The following RGS5 variants were observed in gnomAD, a reference collection of about 807,000 sequenced individuals.
RGS5 encodes regulator of G-protein signalling 5.
Under a neutral mutation model 18.9 loss-of-function variants are expected in RGS5, and 20 were observed. The observed-to-expected ratio is 1.06, with a 90% confidence interval of 0.74 to 1.54. The LOEUF (loss-of-function observed/expected upper bound fraction) is 1.54, where lower values mean the gene tolerates loss of function less well. RGS5 is among the 40% of genes most tolerant of loss of function. The pLI, the probability that RGS5 is intolerant of heterozygous loss-of-function variation, is 0.00. For missense variants in RGS5, 201 were observed against 211.8 expected, an observed-to-expected ratio of 0.95 and a Z score of 0.32; for synonymous variants, 57 against 76.2, an observed-to-expected ratio of 0.75 and a Z score of 1.31.
chr1:163,302,568 C>A (rs1323703424), intron 2 of RGS5, among the ~76,000 whole-genome samples: 1 of 152,162 alleles, frequency 6.6e-6, no homozygotes, highest in Non-Finnish European at 1.5e-5. Flanking sequence ...AAATCAAATT[C>A]TTTTGCTTAT....
At chr1:163,272,173 TA>T (rs1352138125) in intron 2 of RGS5, among the ~76,000 whole-genome samples, 12 of 152,064 alleles carry the variant, frequency 7.9e-5, no homozygotes, top group African/African-American at 2.9e-4. Flanking sequence ...TTATTTTCCC[TA>T]ATGACTAATA....
chr1:163,236,182 A>G (rs1325043520), intron 2 of RGS5, among the ~76,000 whole-genome samples: 2 of 152,086 alleles, frequency 1.3e-5, no homozygotes, highest in Non-Finnish European at 2.9e-5. Context: ...CTTTCGTCTC[A>G]TATGTTATAC....
chr1:163,231,542 G>A (rs1401667314), intron 2 of RGS5, among the ~76,000 whole-genome samples: 1 of 152,106 alleles, frequency 6.6e-6, no homozygotes, highest in Non-Finnish European at 1.5e-5. Context: ...ACTAAACAAT[G>A]TTCCAGGAAT....
At chr1:163,249,098 C>T (rs144807244) in intron 2 of RGS5, among the ~76,000 whole-genome samples, 55 of 152,288 alleles carry the variant, frequency 3.6e-4, no homozygotes, top group Middle Eastern at 3.4e-3. Flanking sequence ...AGTGAAGTTA[C>T]CCTATAGGGC....
chr1:163,172,555 T>A (rs1277365850), intron 1 of RGS5: 1 of 1,549,634 alleles, frequency 6.5e-7, no homozygotes, highest in Non-Finnish European at 8.7e-7. Flanking sequence ...CAGACTAACA[T>A]ACCAGAACAT....
intron 2 of RGS5, among the ~76,000 whole-genome samples, chr1:163,241,565 A>G (rs1647793786): frequency 6.6e-6 from 1 of 152,160 alleles, no homozygotes; most frequent in African/African-American, 2.4e-5. Flanking sequence ...GGTATGGATC[A>G]CACTTATGCA....
chr1:163,158,998 G>A (rs918787325), intron 3 of RGS5, among the ~76,000 whole-genome samples: 1 of 152,156 alleles, frequency 6.6e-6, no homozygotes, highest in African/African-American at 2.4e-5. Context: ...GATGTTCCTA[G>A]CTGAGAAAAA....
intron 1 of RGS5, among the ~76,000 whole-genome samples, chr1:163,200,376 A>G (rs767667085): frequency 6.6e-5 from 10 of 152,140 alleles, no homozygotes. Context: ...AATTTATTTT[A>G]TATGAATTTT....
In RGS5 at chr1:163,161,934, G is replaced by C. The variant is rs1452385815; in HGVS notation, c.198C>G (p.Asp66Glu). ...DEALQWRDSL[D>E]KLLQNNYGLA... ...ACTTACAGTTGTTCTGCAGGAGTTT[G>C]TCCAGGGAATCACGCCACTGCAGGG... Residue 66 changes from aspartate to glutamate, a missense_variant, in exon 3 of 5, where the codon GAC (aspartate) becomes GAG (glutamate). Asp to Glu is a conservative substitution (Grantham distance 45). Coordinates refer to ENST00000313961, the MANE Select transcript of RGS5 (RefSeq NM_003617.4). 6.2e-7 allele frequency: 1 copy of C among 1,613,212 alleles called. No homozygotes were observed. The highest frequency in any genetic ancestry group is 8.5e-7 in the Non-Finnish European group (1 of 1,179,302).
intron 2 of RGS5, among the ~76,000 whole-genome samples, chr1:163,274,334 T>C (rs1283591564): frequency 3.9e-5 from 6 of 152,134 alleles, no homozygotes; most frequent in African/African-American, 1.4e-4. Flanking sequence ...TCTATAAAAC[T>C]CTTGAGCAAT....
chr1:163,196,884 A>G (rs895620679), intron 1 of RGS5, among the ~76,000 whole-genome samples: 31 of 152,152 alleles, frequency 2.0e-4, no homozygotes, highest in African/African-American at 7.5e-4. Context: ...AGGAAAGCAG[A>G]GGAAATACCA....
intron 2 of RGS5, chr1:163,304,161 A>G (rs1428097775): frequency 1.3e-5 from 2 of 152,240 alleles, no homozygotes; most frequent in East Asian, 3.8e-4. Context: ...ATGTGATTAT[A>G]AAAGGACCCC....
chr1:163,187,447 A>C (rs1659138604), intron 1 of RGS5, among the ~76,000 whole-genome samples: 1 of 152,154 alleles, frequency 6.6e-6, no homozygotes, highest in Non-Finnish European at 1.5e-5. Flanking sequence ...GTTAGGCCTC[A>C]GGAAACAGAA....
At chr1:163,295,976 GA>G (rs1189037170) in intron 2 of RGS5, among the ~76,000 whole-genome samples, 1 of 151,780 alleles carries the variant, frequency 6.6e-6, no homozygotes, top group Non-Finnish European at 1.5e-5. Context: ...GGAGTGAGAG[GA>G]AAAAAAATTT....
intron 2 of RGS5, among the ~76,000 whole-genome samples, chr1:163,286,966 A>G (rs1360832419): frequency 1.3e-5 from 2 of 152,138 alleles, no homozygotes; most frequent in Non-Finnish European, 2.9e-5. Flanking sequence ...AAGTGTGTGA[A>G]GTGGGGTCAA....
chr1:163,229,997 A>C (rs1197700910), intron 2 of RGS5, among the ~76,000 whole-genome samples: 2 of 152,184 alleles, frequency 1.3e-5, no homozygotes, highest in Non-Finnish European at 1.5e-5. Context: ...CGGGTTTTAC[A>C]TCTAATTGTT....
intron 2 of RGS5, among the ~76,000 whole-genome samples, chr1:163,288,438 C>T (rs1333381567): frequency 1.3e-5 from 2 of 152,142 alleles, no homozygotes; most frequent in African/African-American, 2.4e-5. Flanking sequence ...ACCAAACATG[C>T]CCCTATGATC....
At chr1:163,212,892 T>C (rs1374217420) in intron 1 of RGS5, 3 of 152,222 alleles carry the variant, frequency 2.0e-5, no homozygotes, top group African/African-American at 7.2e-5. Flanking sequence ...CTTTTTCTCT[T>C]ATATCCATAT....
At chr1:163,180,686 G>GTTTTTTTGTTTTTTTTTTTTTTT in intron 1 of RGS5, among the ~76,000 whole-genome samples, 1 of 61,982 alleles carries the variant, frequency 1.6e-5, no homozygotes, top group Non-Finnish European at 3.0e-5. Context: ...CCCTTACCCT[G>GTTTTTTTGTTTTTTTTTTTTTTT]TTTTTTTTTT....
Sources: allele counts gnomAD v4.1 joint callset (sites outside exome capture counted in the v4.1 genomes callset), GRCh38; gene constraint gnomAD v4.1.1; transcripts MANE v1.5; gene names NCBI Gene and HGNC (gene_info 2026-07-23, HGNC 2026-07-21).